The following CSMD1 variants were observed in gnomAD, a reference collection of about 807,000 sequenced individuals.
CSMD1 encodes CUB and Sushi multiple domains 1, also known as CUB and sushi domain-containing protein 1.
CSMD1 carries 213 observed loss-of-function variants against 417.5 expected under a neutral mutation model. The observed-to-expected ratio is 0.51, with a 90% CI of 0.46 to 0.57. The LOEUF (loss-of-function observed/expected upper bound fraction) is 0.57, where lower values mean the gene tolerates loss of function less well. Ranked by LOEUF, CSMD1 falls within the 20% of genes least tolerant of loss-of-function variation. CSMD1 has a pLI of 0.00. For missense variants in CSMD1, 6,923 were observed against 4,529.7 expected (o/e 1.53, Z -15.17); for synonymous variants, 2,862 against 1,736.8 (o/e 1.65, Z -16.11).
At chr8:3,372,652 G>C (rs1320560630) in intron 18 of CSMD1, among the ~76,000 whole-genome samples, 1 of 152,170 alleles carries the variant, frequency 6.6e-6, no homozygotes, top group Non-Finnish European at 1.5e-5. Context: ...AATAACTACA[G>C]GTGAAGGAGA....
chr8:4,838,737 G>C (rs983905991), intron 1 of CSMD1, among the ~76,000 whole-genome samples: 1 of 152,152 alleles, frequency 6.6e-6, no homozygotes, highest in Non-Finnish European at 1.5e-5. Context: ...CATGCCATCG[G>C]CTCAAATGAA....
chr8:3,453,568 T>A (rs903299387), intron 12 of CSMD1, among the ~76,000 whole-genome samples: 1 of 152,232 alleles, frequency 6.6e-6, no homozygotes, highest in African/African-American at 2.4e-5. Context: ...TTTCGTTATG[T>A]ACCAAGTAGT....
intron 7 of CSMD1, among the ~76,000 whole-genome samples, chr8:3,654,375 A>G (rs1186072378): frequency 6.6e-6 from 1 of 152,184 alleles, no homozygotes; most frequent in East Asian, 1.9e-4. Context: ...TTAGTTTTAG[A>G]CTGCGTATAA....
chr8:3,451,226 G>C (rs1815691710), intron 12 of CSMD1, among the ~76,000 whole-genome samples: 1 of 152,206 alleles, frequency 6.6e-6, no homozygotes, highest in East Asian at 1.9e-4. Context: ...CCCTTTGTCA[G>C]ATGAGTACAT....
intron 1 of CSMD1, among the ~76,000 whole-genome samples, chr8:4,972,363 G>A (rs935116948): frequency 1.3e-5 from 2 of 152,104 alleles, no homozygotes; most frequent in Non-Finnish European, 2.9e-5. Flanking sequence ...GCAGGTAATT[G>A]AATCATGGGA....
At chr8:3,729,772 C>T (rs183349437) in intron 6 of CSMD1, among the ~76,000 whole-genome samples, 1 of 152,114 alleles carries the variant, frequency 6.6e-6, no homozygotes, top group East Asian at 1.9e-4. Flanking sequence ...ATAATTATTT[C>T]AGGTGATAGA....
chr8:4,031,706 T>G (rs1290326566), intron 4 of CSMD1, among the ~76,000 whole-genome samples, 199 bp downstream of exon 4: 2 of 152,216 alleles, frequency 1.3e-5, no homozygotes, highest in African/African-American at 2.4e-5. Context: ...CATGCAATAT[T>G]AAATGTTATT....
chr8:3,349,149 G>T (rs13248521), intron 21 of CSMD1, among the ~76,000 whole-genome samples: 47,530 of 152,088 alleles, frequency 0.31, 7,720 homozygotes, highest in Admixed American at 0.41. Flanking sequence ...CCAAGCATCA[G>T]TTAGATGCCA....
At chr8:4,527,184 A>T (rs1381249969) in intron 2 of CSMD1, among the ~76,000 whole-genome samples, 1 of 152,144 alleles carries the variant, frequency 6.6e-6, no homozygotes, top group African/African-American at 2.4e-5. Flanking sequence ...TTCTTCCTAG[A>T]TGCTTCCCAA....
At chr8:3,222,375 T>G (rs767668408) in intron 28 of CSMD1, among the ~76,000 whole-genome samples, 3 of 151,998 alleles carry the variant, frequency 2.0e-5, no homozygotes, top group Non-Finnish European at 4.4e-5. Context: ...GACTAGACAC[T>G]CATAGCTCAT....
Position 4,262,764 on chromosome 8 carries a change from C to T in CSMD1, c.415+157189G>A, listed in dbSNP as rs570849083. Among the ~76,000 whole-genome samples the T allele has an allele frequency of 1.5e-4, 23 of 152,290 alleles. No homozygotes were observed. In the South Asian group the frequency reaches 4.6e-3, roughly 30 times the overall value. ...AGGTTTTTCTTTACTTCCTTGCAAA[C>T]TCAGCTATGGAGAGGAAGGAAGTAT... On this transcript the variant is annotated intron_variant, in intron 3 of 69. Coordinates refer to ENST00000635120, the MANE Select transcript of CSMD1 (RefSeq NM_033225.6).
Position 2,973,327 on chromosome 8 carries a change from C to T in CSMD1, c.8741-28G>A, listed in dbSNP as rs369160484. Reference sequence around the variant, plus strand: ...ATTGAAAACAAACACATACGGCAATCCACAATTGTGTTAGACTTGTTTTAA... The same window carrying T: ...ATTGAAAACAAACACATACGGCAATTCACAATTGTGTTAGACTTGTTTTAA... On this transcript the variant is annotated intron_variant, in intron 56 of 69. Coordinates refer to ENST00000635120, the MANE Select transcript of CSMD1 (RefSeq NM_033225.6). 36 of 1,603,892 alleles carry T rather than the reference C, an allele frequency of 2.2e-5. No individual in the cohort carries two copies. In the African/African-American group the frequency reaches 4.7e-4, roughly 21 times the overall value.
intron 2 of CSMD1, among the ~76,000 whole-genome samples, chr8:4,628,744 T>G (rs907740508): frequency 6.6e-6 from 1 of 152,056 alleles, no homozygotes; most frequent in Admixed American, 6.6e-5. Flanking sequence ...AGCCCTCAGG[T>G]GAGTTAGATA....
Position 3,830,072 on chromosome 8 carries a change from C to G in CSMD1, c.819-76030G>C, listed in dbSNP as rs546099978. Among the ~76,000 whole-genome samples, 16 of 152,248 alleles carry G rather than the reference C, an allele frequency of 1.1e-4. No individual in the cohort carries two copies. The South Asian group carries it at 3.1e-3, about 30-fold the overall frequency. On this transcript the variant is annotated intron_variant, in intron 5 of 69. Transcript: ENST00000635120. Reference sequence around the variant, plus strand: ...TTTTGGGCTGACTTTTGACAAATCACCTTAATTTTCTTCTGTGCCCGTTTT... The same window carrying G: ...TTTTGGGCTGACTTTTGACAAATCAGCTTAATTTTCTTCTGTGCCCGTTTT...
chr8:3,639,048 T>C (rs1797181047), intron 7 of CSMD1, among the ~76,000 whole-genome samples: 1 of 152,242 alleles, frequency 6.6e-6, no homozygotes. Context: ...TCTTTCATTT[T>C]CCACTTAGCA....
At chr8:4,306,884 A>G (rs1163100149) in intron 3 of CSMD1, among the ~76,000 whole-genome samples, 2 of 152,104 alleles carry the variant, frequency 1.3e-5, no homozygotes, top group Non-Finnish European at 2.9e-5. Flanking sequence ...ATCTGCAGTT[A>G]TGCTTTCCTT....
At chr8:3,076,281 C>G (rs116263121) in intron 49 of CSMD1, among the ~76,000 whole-genome samples, 5,702 of 79,394 alleles carry the variant, frequency 0.072, 129 homozygotes, top group Middle Eastern at 0.12. Context: ...TGCATGGTCG[C>G]CCCTCTGTGC....
intron 37 of CSMD1, among the ~76,000 whole-genome samples, chr8:3,165,936 T>G (rs958338619): frequency 6.6e-6 from 1 of 152,100 alleles, no homozygotes; most frequent in Non-Finnish European, 1.5e-5. Context: ...GACAATAACA[T>G]AGAAGACAAG....
chr8:3,506,454 C>G (rs572819688), intron 10 of CSMD1, among the ~76,000 whole-genome samples: 1 of 152,282 alleles, frequency 6.6e-6, no homozygotes, highest in South Asian at 2.1e-4. Flanking sequence ...ATTCTCACCA[C>G]TGGTCATGGC....
Sources: gnomAD v4.1 joint callset for allele counts (sites outside exome capture counted in the v4.1 genomes callset) on GRCh38, gnomAD v4.1.1 for gene constraint, MANE v1.5 for transcripts, NCBI Gene and HGNC (gene_info 2026-07-23, HGNC 2026-07-21) for gene names.